ACAN: variants seen among roughly 807,000 people sequenced by gnomAD.
ACAN encodes aggrecan, also known as aggrecan core protein.
In ACAN, 47 loss-of-function variants were observed where a neutral mutation model predicts 169.1. That is an observed-to-expected ratio of 0.28 (90% confidence interval 0.22 to 0.35). The LOEUF (loss-of-function observed/expected upper bound fraction) is 0.35. Ranked by LOEUF, ACAN falls within the 10% of genes least tolerant of loss-of-function variation. The probability of loss-of-function intolerance (pLI) is 1.00; values close to 1 mark genes in which losing one functional copy is unlikely to be tolerated. For missense variants in ACAN, 2,716 were observed against 2,759.9 expected (o/e 0.98, Z 0.36); for synonymous variants, 1,115 against 1,112.2 (o/e 1.00, Z -0.05).
At chr15:88,850,014 C>A (rs951304083) in intron 10 of ACAN, 4 of 604,908 alleles carry the variant, frequency 6.6e-6, no homozygotes, top group Non-Finnish European at 1.2e-5. Flanking sequence ...TATGGCTCTG[C>A]TACTTAATAG....
chr15:88,823,119 C>A (rs1896120416), intron 1 of ACAN, among the ~76,000 whole-genome samples: 2 of 152,212 alleles, frequency 1.3e-5, no homozygotes, highest in Non-Finnish European at 1.5e-5. Flanking sequence ...ACTGAAGCAT[C>A]ACACTGGGTC....
At chr15:88,805,352 G>T (rs1388244378) in intron 1 of ACAN, among the ~76,000 whole-genome samples, 2 of 152,194 alleles carry the variant, frequency 1.3e-5, no homozygotes. Context: ...TTGAGCGGCA[G>T]TGGGGAGGAG....
Position 88,843,672 on chromosome 15 carries a change from A to G in ACAN, c.1051+24A>G, listed in dbSNP as rs1896724427. The G allele has an allele frequency of 6.5e-7, 1 of 1,544,650 alleles. No individual in the cohort carries two copies. The highest frequency in any genetic ancestry group is 8.8e-7 in the Non-Finnish European group (1 of 1,138,814). Reference sequence around the variant, plus strand: ...AGGTGGGGCACGGCTGGTGGTGGGAAGGGAGTTCATGCCACTAAAATGGGG... The same window carrying G: ...AGGTGGGGCACGGCTGGTGGTGGGAGGGGAGTTCATGCCACTAAAATGGGG... On this transcript the variant is annotated intron_variant, in intron 6 of 18. Coordinates refer to ENST00000560601, the MANE Select transcript of ACAN (RefSeq NM_001369268.1). This position sits in a 1 kb window ranked among gnomAD's most constrained non-coding sequence, Gnocchi z 4.0.
intron 7 of ACAN, 31 bp downstream of exon 7, chr15:88,845,913 G>A: frequency 6.9e-7 from 1 of 1,440,326 alleles, no homozygotes; most frequent in African/African-American, 1.4e-5. Context: ...GCATCCAGGG[G>A]CAGGTGGAGA....
intron 1 of ACAN, among the ~76,000 whole-genome samples, chr15:88,832,666 C>T (rs1896394239): frequency 6.6e-6 from 1 of 152,196 alleles, no homozygotes; most frequent in Non-Finnish European, 1.5e-5. Flanking sequence ...CCCCATTGTC[C>T]TATTTTCCAA....
In ACAN at chr15:88,849,322, TG is replaced by T; in HGVS notation, c.1733-113del. The T allele has an allele frequency of 9.5e-7, 1 of 1,054,986 alleles. No homozygotes were observed. Among genetic ancestry groups the T allele is most frequent in the Non-Finnish European group, 1.3e-6 (1 of 756,216 alleles). 65.4% of individuals were successfully genotyped at this position (1,054,986 alleles called of 1,614,324 possible). ...GTGGTCAAAAAAGGGGTGATGGAGC[TG>T]GGCTGGGTCTTAGCCCTGGTGAGGA... On this transcript the variant is annotated intron_variant, in intron 9 of 18. Transcript: ENST00000560601. The surrounding 1 kb of genome is among the most constrained non-coding windows in gnomAD (Gnocchi z 5.1).
chr15:88,826,624 G>A (rs898712781), intron 1 of ACAN, among the ~76,000 whole-genome samples: 8 of 152,054 alleles, frequency 5.3e-5, no homozygotes, highest in Admixed American at 1.3e-4. Context: ...CCCACCAACC[G>A]TGCGCATATT....
rs773221334 is a variant in ACAN at position 88,848,067 on chromosome 15, C to T, written c.1732+29C>T. ...CAAGCCACATTCTCACATTTCGGGC[C>T]CTAGATGGGCAGGGGGTGGGCAGGG... is the stretch of plus-strand genomic sequence containing the variant. On this transcript the variant is annotated intron_variant, in intron 9 of 18. Transcript: ENST00000560601. 2.5e-6 allele frequency: 4 copies of T among 1,607,998 alleles called. No individual in the cohort carries two copies. The South Asian group carries it at 4.4e-5, about 18-fold the overall frequency.
intron 1 of ACAN, among the ~76,000 whole-genome samples, chr15:88,821,178 C>A (rs1429395246): frequency 6.6e-6 from 1 of 152,146 alleles, no homozygotes; most frequent in Non-Finnish European, 1.5e-5. Flanking sequence ...TGGGTGGAGA[C>A]ACAGCCAAAC....
chr15:88,819,600 C>CAAAA lies in ACAN; in HGVS notation c.-8+15805_-8+15808dup, dbSNP rs35471694. Among the ~76,000 whole-genome samples, 216 of 111,088 alleles carry CAAAA rather than the reference C, an allele frequency of 1.9e-3. 3 individuals are homozygous for CAAAA. Among genetic ancestry groups the CAAAA allele is most frequent in the African/African-American group, 7.0e-3 (206 of 29,360 alleles). 72.9% of individuals were successfully genotyped at this position (111,088 alleles called of 152,430 possible). A position where few individuals can be genotyped will look rare whatever the true frequency, so the allele number is the denominator to read the frequency against. On this transcript the variant is annotated intron_variant, in intron 1 of 18. Coordinates refer to ENST00000560601, the MANE Select transcript of ACAN (RefSeq NM_001369268.1). ...CAACATAATGAGACTCTCGTCTCTA[C>CAAAA]AAAAAAAAAAAAAAAAATAGCTTGG...
intron 12 of ACAN, among the ~76,000 whole-genome samples, chr15:88,859,803 G>C (rs1412413950): frequency 6.6e-6 from 1 of 152,224 alleles, no homozygotes; most frequent in Non-Finnish European, 1.5e-5. Context: ...GATAGTGCTA[G>C]AAATTCTGCT....
chr15:88,871,957 C>A lies in ACAN; in HGVS notation c.7220-46C>A, dbSNP rs1897389316. On this transcript the variant is annotated intron_variant, in intron 15 of 18. Coordinates refer to ENST00000560601, the MANE Select transcript of ACAN (RefSeq NM_001369268.1). The surrounding 1 kb of genome is among the most constrained non-coding windows in gnomAD (Gnocchi z 7.8). ...CGTGAGCTCAAGTTTCTCAGACACC[C>A]TCAGGGTGTCCAGTGTGATGCCTGA... is the stretch of plus-strand genomic sequence containing the variant. 6.5e-7 allele frequency: 1 copy of A among 1,537,420 alleles called. No individual in the cohort carries two copies. Among genetic ancestry groups the A allele is most frequent in the Admixed American group, 1.7e-5 (1 of 59,900 alleles).
chr15:88,868,133 T>G lies in ACAN; in HGVS notation c.6947-83T>G, dbSNP rs376270745. 5.6e-4 allele frequency: 372 copies of G among 660,026 alleles called. 2 individuals carry two copies. The highest frequency in any genetic ancestry group is 4.5e-3 in the East Asian group (165 of 36,816). 40.9% of individuals were successfully genotyped at this position (660,026 alleles called of 1,614,324 possible). A position where few individuals can be genotyped will look rare whatever the true frequency, so the allele number is the denominator to read the frequency against. ...CCAGGGGTCTGGAGAGCAGCAGGACTGGCCACTCAAAAGGAGGCCACAGTG... is the reference window on the plus strand; with the variant it reads ...CCAGGGGTCTGGAGAGCAGCAGGACGGGCCACTCAAAAGGAGGCCACAGTG... On this transcript the variant is annotated intron_variant, in intron 13 of 18. Coordinates refer to ENST00000560601, the MANE Select transcript of ACAN (RefSeq NM_001369268.1). This position sits in a 1 kb window ranked among gnomAD's most constrained non-coding sequence, Gnocchi z 5.2.
chr15:88,807,981 A>G lies in ACAN; in HGVS notation c.-8+4172A>G, dbSNP rs1895727979. Among the ~76,000 whole-genome samples the G allele has an allele frequency of 6.6e-6, 1 of 152,128 alleles. No individual in the cohort carries two copies. The highest frequency in any genetic ancestry group is 2.4e-5 in the African/African-American group (1 of 41,406). On this transcript the variant is annotated intron_variant, in intron 1 of 18. Transcript: ENST00000560601. The surrounding 1 kb of genome is among the most constrained non-coding windows in gnomAD (Gnocchi z 4.0). ...GAGGTTACATGTTTTTCCTCTTAAGATACACACTCAAAAAAGGAGCCACCT... is the reference window on the plus strand; with the variant it reads ...GAGGTTACATGTTTTTCCTCTTAAGGTACACACTCAAAAAAGGAGCCACCT...
Position 88,871,934 on chromosome 15 carries a change from T to C in ACAN, c.7220-69T>C. On this transcript the variant is annotated intron_variant, in intron 15 of 18. Transcript: ENST00000560601. This position sits in a 1 kb window ranked among gnomAD's most constrained non-coding sequence, Gnocchi z 7.8. ...TCCTCCTCCATCCCCTCTGCCTCCGTGAGCTCAAGTTTCTCAGACACCCTC... is the reference window on the plus strand; with the variant it reads ...TCCTCCTCCATCCCCTCTGCCTCCGCGAGCTCAAGTTTCTCAGACACCCTC... 2 of 1,381,646 alleles carry C rather than the reference T, an allele frequency of 1.4e-6. No individual in the cohort carries two copies. The highest frequency in any genetic ancestry group is 2.1e-6 in the Non-Finnish European group (2 of 967,534). The allele number at this position is 1,381,646 out of a possible 1,614,324, so 85.6% of individuals were successfully genotyped here.
chr15:88,837,722 G>A lies in ACAN; in HGVS notation c.71-941G>A, dbSNP rs111823756. Among the ~76,000 whole-genome samples, 357 of 152,286 alleles carry A rather than the reference G, an allele frequency of 2.3e-3. 1 individual carries two copies. The highest frequency in any genetic ancestry group is 3.4e-3 in the Non-Finnish European group (232 of 68,022). On this transcript the variant is annotated intron_variant, in intron 2 of 18. Transcript: ENST00000560601. ...TGGAAGGGGCCAGTGGGACTGCCCAGGACATCAGAAGGTTAAGGCCTGGAC... is the reference window on the plus strand; with the variant it reads ...TGGAAGGGGCCAGTGGGACTGCCCAAGACATCAGAAGGTTAAGGCCTGGAC...
At position 88,814,463 on chromosome 15, in the gene ACAN, G is replaced by A. The variant is rs1260143858; in HGVS notation, c.-8+10654G>A. ...CATCCTGGAGCAGAAAGGGGCCTCA[G>A]GAATGCAAGAAGAGCCACATGCTGT... On this transcript the variant is annotated intron_variant, in intron 1 of 18. Coordinates refer to ENST00000560601, the MANE Select transcript of ACAN (RefSeq NM_001369268.1). The surrounding 1 kb of genome is among the most constrained non-coding windows in gnomAD (Gnocchi z 4.0). Among the ~76,000 whole-genome samples the A allele has an allele frequency of 1.3e-5, 2 of 152,212 alleles. No individual in the cohort carries two copies. The highest frequency in any genetic ancestry group is 2.9e-5 in the Non-Finnish European group (2 of 68,032).
chr15:88,853,445 C>A (rs4932436), intron 11 of ACAN, among the ~76,000 whole-genome samples: 12,569 of 152,240 alleles, frequency 0.083, 640 homozygotes, highest in East Asian at 0.19. Flanking sequence ...CAAGACCAGC[C>A]TGGCCAACAT....
At position 88,873,453 on chromosome 15, in the gene ACAN, G is replaced by A. The variant is rs547614265; in HGVS notation, c.7448-389G>A. On this transcript the variant is annotated intron_variant, in intron 17 of 18. Transcript: ENST00000560601. This position sits in a 1 kb window ranked among gnomAD's most constrained non-coding sequence, Gnocchi z 7.5. The stretch of plus-strand genomic sequence containing the variant: ...TGGCTTTCAGTCTGTGGACATTGAG[G>A]TGCTGGTAGGATGCGCCCCACTGCC... 6.6e-6 allele frequency among the ~76,000 whole-genome samples: 1 copy of A among 152,184 alleles called. No homozygotes were observed. The highest frequency in any genetic ancestry group is 1.5e-5 in the Non-Finnish European group (1 of 68,032).
Sources: allele counts gnomAD v4.1 joint callset (sites outside exome capture counted in the v4.1 genomes callset), GRCh38; gene constraint gnomAD v4.1.1; non-coding constraint Gnocchi (gnomAD v3.1); transcripts MANE v1.5; gene names NCBI Gene and HGNC (gene_info 2026-07-23, HGNC 2026-07-21).